The following DLC1 variants were observed in gnomAD, a reference collection of about 807,000 sequenced individuals.
The protein encoded by DLC1 is DLC1 Rho GTPase activating protein.
A neutral mutation model predicts 140.3 loss-of-function variants in DLC1; 54 were observed. The observed-to-expected ratio is 0.38, with a 90% CI of 0.31 to 0.48. DLC1 has a LOEUF of 0.48. Among genes scored for constraint, DLC1 ranks in the 20% least tolerant of loss-of-function variants. The pLI is 0.96. For missense variants in DLC1, 2,536 were observed against 1,907.0 expected, an observed-to-expected ratio of 1.33 and a Z score of -6.14; for synonymous variants, 986 against 728.1, an observed-to-expected ratio of 1.35 and a Z score of -5.70.
At chr8:13,554,342 G>A (rs1354873737) in intron 1 of DLC1, among the ~76,000 whole-genome samples, 3 of 152,150 alleles carry the variant, frequency 2.0e-5, no homozygotes, top group South Asian at 2.1e-4. Context: ...CTGGGATTAC[G>A]CGCGTGAGCC....
intron 1 of DLC1, among the ~76,000 whole-genome samples, chr8:13,571,542 G>T (rs1434172883): frequency 1.3e-5 from 2 of 152,168 alleles, no homozygotes; most frequent in Non-Finnish European, 2.9e-5. Context: ...TTTTATAGCT[G>T]AGTAATATTC....
At chr8:13,348,344 C>T (rs17091974) in intron 4 of DLC1, among the ~76,000 whole-genome samples, 48,950 of 151,938 alleles carry the variant, frequency 0.32, 8,436 homozygotes, top group Non-Finnish European at 0.4. Context: ...GTGATATAGG[C>T]GGTGCCAGCT....
chr8:13,295,782 C>A (rs557635334), intron 5 of DLC1, among the ~76,000 whole-genome samples: 6 of 151,944 alleles, frequency 3.9e-5, no homozygotes, highest in African/African-American at 9.7e-5. Flanking sequence ...AGTAAACATA[C>A]CTCTCCAAAG....
chr8:13,176,636 GT>G (rs1324272781), intron 5 of DLC1, among the ~76,000 whole-genome samples: 1 of 152,132 alleles, frequency 6.6e-6, no homozygotes, highest in Non-Finnish European at 1.5e-5. Flanking sequence ...GTCGTGGTAG[GT>G]AGACTAATGC....
chr8:13,581,111 C>G (rs1464164232), intron 1 of DLC1, among the ~76,000 whole-genome samples: 1 of 152,352 alleles, frequency 6.6e-6, no homozygotes, highest in East Asian at 1.9e-4. Context: ...AATCTCTCAA[C>G]TCTTTGCAAG....
In DLC1 at chr8:13,141,499, T is replaced by C. The variant is rs572652062; in HGVS notation, c.1349-25842A>G. On this transcript the variant is annotated intron_variant, in intron 5 of 17. Transcript: ENST00000276297. Reference sequence around the variant, plus strand: ...CTTTCACCTTGTCAGTAAAAAAGAATGGACTCACTCATGAGTTTATTTCCA... The same window carrying C: ...CTTTCACCTTGTCAGTAAAAAAGAACGGACTCACTCATGAGTTTATTTCCA... Among the ~76,000 whole-genome samples the C allele has an allele frequency of 3.2e-4, 49 of 152,296 alleles. 1 individual carries two copies. In the South Asian group the frequency reaches 9.8e-3, roughly 30 times the overall value.
chr8:13,416,406 C>G (rs1838060235), intron 2 of DLC1, among the ~76,000 whole-genome samples: 1 of 152,046 alleles, frequency 6.6e-6, no homozygotes, highest in South Asian at 2.1e-4. Flanking sequence ...ACATATAAAA[C>G]ATGCATATAA....
At chr8:13,320,337 G>A (rs1291961163) in intron 4 of DLC1, among the ~76,000 whole-genome samples, 5 of 152,012 alleles carry the variant, frequency 3.3e-5, no homozygotes, top group East Asian at 1.9e-4. Flanking sequence ...TTAACTCTTC[G>A]TTAAGAGAAG....
intron 5 of DLC1, among the ~76,000 whole-genome samples, chr8:13,124,935 T>C (rs751126610): frequency 1.3e-4 from 20 of 152,178 alleles, no homozygotes; most frequent in African/African-American, 1.9e-4. Context: ...AAAGTTTTAA[T>C]TACTTTTATT....
intron 2 of DLC1, among the ~76,000 whole-genome samples, chr8:13,484,243 C>T (rs369743240): frequency 1.3e-5 from 2 of 152,058 alleles, no homozygotes; most frequent in East Asian, 3.8e-4. Flanking sequence ...TATGAGAGAT[C>T]ATGAAGATGT....
Position 13,091,365 on chromosome 8 carries a change from T to C in DLC1, c.3808A>G (p.Thr1270Ala). The C allele has an allele frequency of 6.2e-7, 1 of 1,614,174 alleles. No homozygotes were observed. The highest frequency in any genetic ancestry group is 8.5e-7 in the Non-Finnish European group (1 of 1,180,034). Reference sequence around the variant, plus strand: ...GCGATCATATGGGCCAGCCCTTGAGTGGCAGCTAGGTTTTCATTCAAATCT... The same window carrying C: ...GCGATCATATGGGCCAGCCCTTGAGCGGCAGCTAGGTTTTCATTCAAATCT... Reference protein sequence around the residue: ...QKDLNENLAATQGLAHMIAEC... With the variant: ...QKDLNENLAAAQGLAHMIAEC... Residue 1270 changes from threonine to alanine, a missense_variant, in exon 14 of 18, where the codon ACT becomes GCT. By Grantham distance (58) the Thr-to-Ala change is moderately conservative. Transcript: ENST00000276297.
chr8:13,365,793 C>G (rs1478021289), intron 4 of DLC1, among the ~76,000 whole-genome samples: 5 of 152,066 alleles, frequency 3.3e-5, no homozygotes, highest in Non-Finnish European at 7.4e-5. Context: ...AAAAATCACT[C>G]AACTGCTAAT....
intron 5 of DLC1, among the ~76,000 whole-genome samples, chr8:13,185,867 T>G (rs986578808): frequency 6.6e-6 from 1 of 152,328 alleles, no homozygotes; most frequent in Non-Finnish European, 1.5e-5. Flanking sequence ...TCTCAGCATT[T>G]GCTTGTCTGT....
Position 13,431,482 on chromosome 8 carries a change from C to CAAAAAAAAAAAA in DLC1, c.1024-29875_1024-29864dup, listed in dbSNP as rs56057254. On this transcript the variant is annotated intron_variant, in intron 2 of 17. Transcript: ENST00000276297. ...TGGGCCACAGAGCGAGACTCCGTCT[C>CAAAAAAAAAAAA]AAAAAAAAAAAAAAAAAAAAAAAAA... Among the ~76,000 whole-genome samples the CAAAAAAAAAAAA allele has an allele frequency of 4.2e-4, 17 of 40,608 alleles. 1 individual carries two copies. The highest frequency in any genetic ancestry group is 5.8e-4 in the African/African-American group (5 of 8,676). The allele number at this position is 40,608 out of a possible 152,430, so 26.6% of individuals were successfully genotyped here. A position where few individuals can be genotyped will look rare whatever the true frequency, so the allele number is the denominator to read the frequency against.
At chr8:13,256,385 G>A (rs1830227593) in intron 5 of DLC1, among the ~76,000 whole-genome samples, 1 of 152,096 alleles carries the variant, frequency 6.6e-6, no homozygotes, top group African/African-American at 2.4e-5. Context: ...ATACCCAAAG[G>A]ATTATAAATC....
intron 2 of DLC1, among the ~76,000 whole-genome samples, chr8:13,406,535 C>T (rs149201286): frequency 1.4e-3 from 211 of 152,242 alleles, no homozygotes; most frequent in African/African-American, 4.9e-3. Context: ...CATGAAACAG[C>T]CTTTCAAATA....
chr8:13,261,537 T>A (rs939272858), intron 5 of DLC1, among the ~76,000 whole-genome samples: 2 of 152,028 alleles, frequency 1.3e-5, no homozygotes, highest in Admixed American at 6.6e-5. Context: ...TTGGAATGAA[T>A]TACAGGAGGT....
rs754588738 is a variant in DLC1, at chr8:13,499,355, G to A, written c.717C>T (p.Asp239=). 6.2e-7 allele frequency: 1 copy of A among 1,613,956 alleles called. No homozygotes were observed. The highest frequency in any genetic ancestry group is 1.3e-5 in the African/African-American group (1 of 74,996). The change falls in exon 2 of 18, where the codon GAC becomes GAT. Residue 239 remains aspartate, a synonymous_variant. Transcript: ENST00000276297. ...TTCTTTCATTTTCATCTTTAGGGGG[G>A]TCAGGTTTCCTTCGTTGCTGAGCAA... The part of the protein sequence containing the change: ...AVIAQQRRKP[D]PPKDENERST...
At position 13,086,403 on chromosome 8, in the gene DLC1, G is replaced by A. The variant is rs1448575899; in HGVS notation, c.4353C>T (p.His1451=). 13 of 1,614,206 alleles carry A rather than the reference G, an allele frequency of 8.1e-6. No individual in the cohort carries two copies. The highest frequency in any genetic ancestry group is 2.2e-5 in the South Asian group (2 of 91,082). The part of the protein sequence containing the change: ...ACALLLTSVD[H]DRAPVVGVRV... ...TCACACCCACCACAGGTGCGCGATC[G>A]TGATCCACAGAGGTTAGTAAAAGGG... Residue 1451 remains histidine, a synonymous_variant, in exon 17 of 18, where the codon CAC becomes CAT. Coordinates refer to ENST00000276297, the MANE Select transcript of DLC1 (RefSeq NM_182643.3).
Sources: allele counts gnomAD v4.1 joint callset (sites outside exome capture counted in the v4.1 genomes callset), GRCh38; gene constraint gnomAD v4.1.1; transcripts MANE v1.5; gene names NCBI Gene and HGNC (gene_info 2026-07-23, HGNC 2026-07-21).